CARS2: variants seen among roughly 807,000 people sequenced by gnomAD.
The protein encoded by CARS2 is cysteinyl-tRNA synthetase 2, mitochondrial, also known as probable cysteine--tRNA ligase, mitochondrial.
A neutral mutation model predicts 68.8 loss-of-function variants in CARS2; 52 were observed. The ratio of observed to expected loss-of-function variants is 0.76; its 90% confidence interval spans 0.61 to 0.95. The LOEUF is 0.95. Among genes scored for constraint, CARS2 ranks in the 40% least tolerant of loss-of-function variants. The pLI, the probability that CARS2 is intolerant of heterozygous loss-of-function variation, is 0.00. For synonymous variants in CARS2, 314 were observed against 303.6 expected (o/e 1.03, Z -0.36); for missense variants, 780 against 754.2 (o/e 1.03, Z -0.40).
Position 110,706,079 on chromosome 13 carries a change from C to A in CARS2, c.15G>T (p.Thr5=). MLRT[T]RGPGLGPPLL... Reference sequence around the variant, plus strand: ...GCGGGGGGCCCAGGCCTGGGCCGCGCGTAGTCCTCAACATGTCAGCGGCCA... The same window carrying A: ...GCGGGGGGCCCAGGCCTGGGCCGCGAGTAGTCCTCAACATGTCAGCGGCCA... Residue 5 remains threonine, a synonymous_variant, in exon 1 of 15, where the codon ACG becomes ACT. Transcript: ENST00000257347. 7.5e-7 allele frequency: 1 copy of A among 1,335,180 alleles called. No individual in the cohort carries two copies. The highest frequency in any genetic ancestry group is 9.6e-7 in the Non-Finnish European group (1 of 1,045,130). 82.7% of individuals were successfully genotyped at this position (1,335,180 alleles called of 1,614,324 possible). A position where few individuals can be genotyped will look rare whatever the true frequency, so the allele number is the denominator to read the frequency against.
At chr13:110,655,523 T>G (rs1373007108) in intron 9 of CARS2, among the ~76,000 whole-genome samples, 1 of 152,186 alleles carries the variant, frequency 6.6e-6, no homozygotes, top group Non-Finnish European at 1.5e-5. Context: ...ACTACACGAC[T>G]GTGTGTGAAG....
chr13:110,686,951 T>C (rs2063319220), intron 5 of CARS2, among the ~76,000 whole-genome samples: 1 of 151,690 alleles, frequency 6.6e-6, no homozygotes, highest in African/African-American at 2.4e-5. Flanking sequence ...CTCGGCTCAC[T>C]GCAACCTCTG....
chr13:110,706,358 G>A (rs3809344), upstream of CARS2: 179,593 of 269,166 alleles, frequency 0.67, 62,322 homozygotes, highest in East Asian at 0.78. Context: ...GAGGCCGTGG[G>A]AAGAGGCGGT....
At chr13:110,664,354 T>A (rs1202101733) in intron 8 of CARS2, 1 of 326,610 alleles carries the variant, frequency 3.1e-6, no homozygotes, top group African/African-American at 2.2e-5. Context: ...CAAAAAAAAT[T>A]AAAAATTAGC....
intron 7 of CARS2, among the ~76,000 whole-genome samples, chr13:110,673,499 G>A (rs1242955623): frequency 6.6e-6 from 1 of 152,124 alleles, no homozygotes; most frequent in Non-Finnish European, 1.5e-5. Flanking sequence ...AAGGCCTTTT[G>A]ACAAAATTCA....
At chr13:110,685,992 G>GAAAAAAAAAAAAAAAAAAAGAAA (rs10668818) in intron 5 of CARS2, among the ~76,000 whole-genome samples, 1 of 128,800 alleles carries the variant, frequency 7.8e-6, no homozygotes, top group Non-Finnish European at 1.6e-5. Context: ...CAGAAAAAAT[G>GAAAAAAAAAAAAAAAAAAAGAAA]AAAAAAAAAA....
chr13:110,663,323 T>A, intron 9 of CARS2, 128 bp downstream of exon 9: 1 of 896,852 alleles, frequency 1.1e-6, no homozygotes. Context: ...GAGGCAGGTC[T>A]CGTCATAAGA....
chr13:110,672,856 A>G (rs1015250567), intron 7 of CARS2, among the ~76,000 whole-genome samples: 2 of 151,662 alleles, frequency 1.3e-5, no homozygotes, highest in Non-Finnish European at 2.9e-5. Context: ...AGAATCAAAT[A>G]GACACAACAA....
rs768491774 is a variant in CARS2 at position 110,683,060 on chromosome 13, C to T, written c.646G>A (p.Gly216Arg). The T allele has an allele frequency of 5.6e-6, 9 of 1,600,408 alleles. No individual in the cohort carries two copies. Among genetic ancestry groups the T allele is most frequent in the African/African-American group, 2.7e-5 (2 of 73,938 alleles). ...AGCCCGGCCAACCCACCTGGCTCTC[C>T]GACTGGACCAGGGACCACGCCGACC... is the stretch of plus-strand genomic sequence containing the variant. Reference protein sequence around the residue: ...KLVGVVPGPVGEPADSDKRHA... With the variant: ...KLVGVVPGPVREPADSDKRHA... Residue 216 changes from glycine to arginine, a missense_variant, in exon 6 of 15, where the codon GGA becomes AGA. Physicochemically the swap from Gly to Arg is moderately radical, Grantham distance 125. Transcript: ENST00000257347.
chr13:110,651,521 C>T (rs1370551629), intron 9 of CARS2, among the ~76,000 whole-genome samples: 2 of 152,196 alleles, frequency 1.3e-5, no homozygotes, highest in African/African-American at 2.4e-5. Context: ...CCAGGAGAAG[C>T]TTGCGGTGAA....
In CARS2 at chr13:110,662,332, T is replaced by C. The variant is rs374615242; in HGVS notation, c.987+1119A>G. 4.6e-4 allele frequency among the ~76,000 whole-genome samples: 58 copies of C among 125,134 alleles called. 1 individual carries two copies. In the South Asian group the frequency reaches 0.013, roughly 29 times the overall value. 82.1% of individuals were successfully genotyped at this position (125,134 alleles called of 152,430 possible). A position where few individuals can be genotyped will look rare whatever the true frequency, so the allele number is the denominator to read the frequency against. ...CCATGGCCGGCTTCGGACCCCCTTCTGCGTCATGCAACCCCATGGCCAGGC... is the reference window on the plus strand; with the variant it reads ...CCATGGCCGGCTTCGGACCCCCTTCCGCGTCATGCAACCCCATGGCCAGGC... On this transcript the variant is annotated intron_variant, in intron 9 of 14. Transcript: ENST00000257347.
rs1368294658 is a variant in CARS2 at position 110,642,350 on chromosome 13, G to A, written c.1588C>T (p.Arg530Cys). 19 of 1,552,118 alleles carry A rather than the reference G, an allele frequency of 1.2e-5. No individual in the cohort carries two copies. The highest frequency in any genetic ancestry group is 1.2e-5 in the Non-Finnish European group (14 of 1,147,596). Residue 530 changes from arginine to cysteine, a missense_variant, in exon 14 of 15, where the codon CGC becomes TGC. By Grantham distance (180) the Arg-to-Cys change is radical. Transcript: ENST00000257347. ...ATGCCGTGGGCAGTCAGGCCCCGGC[G>A]CAGGGTGTCGCATGCTTCCAGCAGG... ...QPLLEACDTL[R>C]RGLTAHGINI...
At position 110,690,585 on chromosome 13, in the gene CARS2, G is replaced by A. The variant is rs532978898; in HGVS notation, c.394-2567C>T. ...CTCCCCCTTCCAGATGTGTCGCTACGTGCTTACCCGGTCCTGTCCCGATGC... is the reference window on the plus strand; with the variant it reads ...CTCCCCCTTCCAGATGTGTCGCTACATGCTTACCCGGTCCTGTCCCGATGC... On this transcript the variant is annotated intron_variant, in intron 3 of 14. Transcript: ENST00000257347. Among the ~76,000 whole-genome samples, 15 of 152,266 alleles carry A rather than the reference G, an allele frequency of 9.9e-5. No homozygotes were observed. In the East Asian group the frequency reaches 2.3e-3, roughly 24 times the overall value.
At chr13:110,696,401 T>C (rs2063624645) in intron 3 of CARS2, among the ~76,000 whole-genome samples, 1 of 152,236 alleles carries the variant, frequency 6.6e-6, no homozygotes, top group Non-Finnish European at 1.5e-5. Context: ...TGTAAAAGCG[T>C]TCCTATTTCT....
At chr13:110,685,715 G>A (rs1306224671) in intron 5 of CARS2, among the ~76,000 whole-genome samples, 1 of 152,156 alleles carries the variant, frequency 6.6e-6, no homozygotes, top group Admixed American at 6.5e-5. Flanking sequence ...TTTCAACTGT[G>A]CTGGGTGAAG....
Position 110,647,211 on chromosome 13 carries a change from G to C in CARS2, c.1083C>G (p.Leu361=), listed in dbSNP as rs893366940. 6.2e-7 allele frequency: 1 copy of C among 1,613,268 alleles called. No individual in the cohort carries two copies. The highest frequency in any genetic ancestry group is 8.5e-7 in the Non-Finnish European group (1 of 1,179,838). Residue 361 remains leucine (L), a synonymous_variant, in exon 11 of 15, where the codon CTC becomes CTG. Transcript: ENST00000257347. ...GCCCCAGGAGCAGCTGCTGAGCTTG[G>C]AGCATGGCGCTGTCACTGTAGTCGA... The part of the protein sequence containing the change: ...SAIDYSDSAM[L]QAQQLLLGLG...
intron 9 of CARS2, among the ~76,000 whole-genome samples, chr13:110,651,424 G>A (rs1170591137): frequency 6.6e-6 from 1 of 152,224 alleles, no homozygotes; most frequent in Non-Finnish European, 1.5e-5. Flanking sequence ...ACAGGGACGT[G>A]GGACAGACAG....
upstream of CARS2, among the ~76,000 whole-genome samples, chr13:110,710,116 C>A (rs2064014687): frequency 6.6e-6 from 1 of 152,158 alleles, no homozygotes; most frequent in African/African-American, 2.4e-5. Flanking sequence ...CGCGGTGGTT[C>A]ACGCCTGTAA....
At chr13:110,658,495 T>A (rs1003453712) in intron 9 of CARS2, among the ~76,000 whole-genome samples, 4 of 152,234 alleles carry the variant, frequency 2.6e-5, no homozygotes. Context: ...GTTAAGATGA[T>A]AACTTTTATG....
Sources: allele counts gnomAD v4.1 joint callset (sites outside exome capture counted in the v4.1 genomes callset), GRCh38; gene constraint gnomAD v4.1.1; transcripts MANE v1.5; gene names NCBI Gene and HGNC (gene_info 2026-07-23, HGNC 2026-07-21).